The following ERC2 variants were observed in gnomAD, a reference collection of about 807,000 sequenced individuals.
ERC2 encodes ERC protein 2.
ERC2 carries 42 observed loss-of-function variants against 114.8 expected under a neutral mutation model. The ratio of observed to expected loss-of-function variants is 0.37; its 90% confidence interval spans 0.29 to 0.47. The LOEUF is 0.47. ERC2 is among the 20% of genes least tolerant of loss of function. The pLI, the probability that ERC2 is intolerant of heterozygous loss-of-function variation, is 0.99. For missense variants in ERC2, 939 were observed against 1,150.7 expected, an observed-to-expected ratio of 0.82 and a Z score of 2.66; for synonymous variants, 454 against 425.5, an observed-to-expected ratio of 1.07 and a Z score of -0.82.
At chr3:55,946,174 T>C (rs1464796007) in intron 13 of ERC2, among the ~76,000 whole-genome samples, 1 of 152,078 alleles carries the variant, frequency 6.6e-6, no homozygotes, top group East Asian at 1.9e-4. Flanking sequence ...AAAACCTCCA[T>C]GTGGGCTCTG....
chr3:56,171,575 GATA>G (rs1279420247), intron 4 of ERC2, among the ~76,000 whole-genome samples: 2 of 152,172 alleles, frequency 1.3e-5, no homozygotes, highest in Non-Finnish European at 2.9e-5. Context: ...TCAATTTAGT[GATA>G]ATAAGTAGAA....
chr3:56,188,736 C>A (rs1029683019), intron 3 of ERC2, among the ~76,000 whole-genome samples: 1 of 152,162 alleles, frequency 6.6e-6, no homozygotes, highest in Non-Finnish European at 1.5e-5. Context: ...CTTCTCTCTC[C>A]CAGCCTAAAT....
At chr3:55,860,320 G>A (rs973401988) in intron 14 of ERC2, among the ~76,000 whole-genome samples, 14 of 152,286 alleles carry the variant, frequency 9.2e-5, no homozygotes, top group African/African-American at 3.4e-4. Context: ...CAATTTACAT[G>A]TAAGTGGATT....
intron 14 of ERC2, among the ~76,000 whole-genome samples, chr3:55,798,719 A>G (rs2070729287): frequency 6.6e-6 from 1 of 152,184 alleles, no homozygotes; most frequent in South Asian, 2.1e-4. Flanking sequence ...CATGTTACTG[A>G]GAGAAAATAA....
At chr3:56,437,370 A>C (rs2062070607) in intron 1 of ERC2, among the ~76,000 whole-genome samples, 1 of 152,182 alleles carries the variant, frequency 6.6e-6, no homozygotes, top group African/African-American at 2.4e-5. Flanking sequence ...TCAGCTAAAC[A>C]CCACACTTAT....
At chr3:56,059,124 C>T (rs1049542456) in intron 7 of ERC2, among the ~76,000 whole-genome samples, 4 of 150,504 alleles carry the variant, frequency 2.7e-5, no homozygotes, top group Non-Finnish European at 5.9e-5. Context: ...TGGAGTCTCG[C>T]TCTGTCACCA....
At chr3:55,547,520 C>G (rs2107386187) in intron 17 of ERC2, among the ~76,000 whole-genome samples, 1 of 152,348 alleles carries the variant, frequency 6.6e-6, no homozygotes, top group South Asian at 2.1e-4. Flanking sequence ...TCTTCTTTCT[C>G]ATAAAATGTC....
At chr3:55,807,455 G>C (rs1027461915) in intron 14 of ERC2, among the ~76,000 whole-genome samples, 2 of 152,144 alleles carry the variant, frequency 1.3e-5, no homozygotes, top group Admixed American at 1.3e-4. Flanking sequence ...GGTAAGCAGA[G>C]TTCTTCTGTA....
intron 2 of ERC2, among the ~76,000 whole-genome samples, chr3:56,301,376 T>A (rs756404186): frequency 9.2e-5 from 14 of 152,226 alleles, no homozygotes; most frequent in Admixed American, 2.6e-4. Context: ...CAAATAGGAA[T>A]CTTGTTCCTA....
intron 3 of ERC2, among the ~76,000 whole-genome samples, chr3:56,259,679 GATA>G (rs2052781615): frequency 6.6e-6 from 1 of 151,598 alleles, no homozygotes; most frequent in Non-Finnish European, 1.5e-5. Flanking sequence ...GATATGATAT[GATA>G]TGATATGATA....
chr3:55,808,735 ATATAT>A lies in ERC2; in HGVS notation c.2565-73822_2565-73818del, dbSNP rs1486123295. 9.7e-3 allele frequency among the ~76,000 whole-genome samples: 1,099 copies of A among 112,960 alleles called. 27 individuals carry two copies. The highest frequency in any genetic ancestry group is 0.053 in the East Asian group (228 of 4,272). The allele number at this position is 112,960 out of a possible 152,430, so 74.1% of individuals were successfully genotyped here. A position where few individuals can be genotyped will look rare whatever the true frequency, so the allele number is the denominator to read the frequency against. On this transcript the variant is annotated intron_variant, in intron 14 of 17. Transcript: ENST00000288221. ...TATATATATATATATATATATATATATATATATAACGTATAACTAAACATATATAT... is the reference window on the plus strand; with the variant it reads ...TATATATATATATATATATATATATAATAACGTATAACTAAACATATATAT...
At chr3:55,818,717 C>A (rs2059997456) in intron 14 of ERC2, among the ~76,000 whole-genome samples, 1 of 152,220 alleles carries the variant, frequency 6.6e-6, no homozygotes, top group Non-Finnish European at 1.5e-5. Flanking sequence ...GCAGCTGAAG[C>A]ACTTAGCACA....
At chr3:56,292,500 G>A (rs1342564966) in intron 3 of ERC2, among the ~76,000 whole-genome samples, 2 of 152,048 alleles carry the variant, frequency 1.3e-5, no homozygotes, top group Non-Finnish European at 2.9e-5. Context: ...TGAGGTGGGA[G>A]GATCACTTGA....
At chr3:55,977,761 G>T (rs1156509211) in intron 12 of ERC2, among the ~76,000 whole-genome samples, 1 of 152,184 alleles carries the variant, frequency 6.6e-6, no homozygotes, top group African/African-American at 2.4e-5. Context: ...TTGAAATCAA[G>T]TCTATTCAAA....
At chr3:55,980,492 A>C (rs977780596) in intron 12 of ERC2, among the ~76,000 whole-genome samples, 2 of 152,238 alleles carry the variant, frequency 1.3e-5, no homozygotes, top group Non-Finnish European at 1.5e-5. Context: ...AACCTGAGCT[A>C]GTATTGTGCA....
intron 14 of ERC2, among the ~76,000 whole-genome samples, chr3:55,834,920 C>T (rs1433285562): frequency 6.7e-6 from 1 of 150,170 alleles, no homozygotes. Flanking sequence ...AAGGGGATAT[C>T]ACCACCGATC....
rs536127270 is a variant in ERC2, at chr3:55,516,850, C to T, written c.*40-5574G>A. 9.8e-5 allele frequency among the ~76,000 whole-genome samples: 15 copies of T among 152,326 alleles called. No homozygotes were observed. In the South Asian group the frequency reaches 2.3e-3, roughly 23 times the overall value. ...ATCTGCCACCACCCTCTGTGTTTTG[C>T]ATTAATTATCTGAAACCAGCTCGAT... On this transcript the variant is annotated intron_variant, in intron 17 of 17. Coordinates refer to ENST00000288221, the MANE Select transcript of ERC2 (RefSeq NM_015576.3).
intron 14 of ERC2, among the ~76,000 whole-genome samples, chr3:55,790,535 G>T (rs1173428476): frequency 6.6e-6 from 1 of 152,158 alleles, no homozygotes; most frequent in Non-Finnish European, 1.5e-5. Flanking sequence ...GCACATACAG[G>T]CCAGGAGCAC....
Position 55,720,257 on chromosome 3 carries a change from CTCTCTG to C in ERC2, c.2712+14508_2712+14513del, listed in dbSNP as rs1161748932. The stretch of plus-strand genomic sequence containing the variant: ...CTTCTTCTTCTCTCTCTCTCTCTCT[CTCTCTG>C]TCTATCTCTCTGCCCCTCCCTCCCT... On this transcript the variant is annotated intron_variant, in intron 15 of 17. Coordinates refer to ENST00000288221, the MANE Select transcript of ERC2 (RefSeq NM_015576.3). Among the ~76,000 whole-genome samples the C allele has an allele frequency of 6.5e-4, 48 of 73,316 alleles. 18 individuals carry two copies. The highest frequency in any genetic ancestry group is 1.5e-3 in the African/African-American group (21 of 14,172). 48.1% of individuals were successfully genotyped at this position (73,316 alleles called of 152,430 possible).
Sources: allele counts gnomAD v4.1 joint callset (sites outside exome capture counted in the v4.1 genomes callset), GRCh38; gene constraint gnomAD v4.1.1; transcripts MANE v1.5; gene names NCBI Gene and HGNC (gene_info 2026-07-23, HGNC 2026-07-21).